Variants in QTRT2 observed in about 807,000 individuals in gnomAD.
QTRT2 encodes the protein queuine tRNA-ribosyltransferase accessory subunit 2, also known as queuine tRNA-ribosyltransferase domain containing 1.
A neutral mutation model predicts 44.8 loss-of-function variants in QTRT2; 32 were observed. That is an observed-to-expected ratio of 0.71 (90% CI 0.54 to 0.96). The LOEUF (loss-of-function observed/expected upper bound fraction) is 0.96, where lower values mean the gene tolerates loss of function less well. Among genes scored for constraint, QTRT2 ranks in the 40% least tolerant of loss-of-function variants. QTRT2 has a pLI of 0.00. For missense variants in QTRT2, 461 were observed against 503.1 expected, an observed-to-expected ratio of 0.92 and a Z score of 0.80; for synonymous variants, 182 against 187.4, an observed-to-expected ratio of 0.97 and a Z score of 0.24.
intron 8 of QTRT2, 83 bp from the exon 9 acceptor site, chr3:114,082,594 A>C: frequency 1.8e-6 from 1 of 564,682 alleles, no homozygotes; most frequent in Non-Finnish European, 3.2e-6. Flanking sequence ...AAAGATCATG[A>C]AATAATAACT....
chr3:114,080,984 C>G (rs778278532), intron 8 of QTRT2, among the ~76,000 whole-genome samples: 1 of 152,078 alleles, frequency 6.6e-6, no homozygotes, highest in Non-Finnish European at 1.5e-5. Flanking sequence ...TTAGACAGAC[C>G]AGAATATAAT....
intron 7 of QTRT2, chr3:114,078,913 T>C (rs1211941000): frequency 6.6e-6 from 1 of 151,996 alleles, no homozygotes; most frequent in Non-Finnish European, 1.5e-5. Context: ...ATGGAGAAAA[T>C]ATAAAGAAAG....
chr3:114,070,590 C>G (rs1314730639), intron 5 of QTRT2, 36 bp from the exon 6 acceptor site: 1 of 1,533,878 alleles, frequency 6.5e-7, no homozygotes, highest in Admixed American at 1.7e-5. Flanking sequence ...TTGCATTTTA[C>G]TCTTGCTAAT....
At chr3:114,067,863 A>G (rs1274689050) in intron 4 of QTRT2, 124 bp from the exon 5 acceptor site, 1 of 712,044 alleles carries the variant, frequency 1.4e-6, no homozygotes, top group Non-Finnish European at 2.5e-6. Context: ...GTTCAGATAC[A>G]ACCTATTGAC....
Position 114,061,816 on chromosome 3 carries a change from G to A in QTRT2, c.-21-3421G>A, listed in dbSNP as rs538375885. Among the ~76,000 whole-genome samples, 4 of 152,164 alleles carry A rather than the reference G, an allele frequency of 2.6e-5. No individual in the cohort carries two copies. In the South Asian group the frequency reaches 8.3e-4, roughly 32 times the overall value. ...TGCTCTTGAACTCCTGGGCTCAAGCGATCTGCCCACCTTGGCCTCCCAAAC... is the reference window on the plus strand; with the variant it reads ...TGCTCTTGAACTCCTGGGCTCAAGCAATCTGCCCACCTTGGCCTCCCAAAC... On this transcript the variant is annotated intron_variant, in intron 2 of 9. Transcript: ENST00000281273.
chr3:114,074,999 A>G (rs1238564635), intron 6 of QTRT2, among the ~76,000 whole-genome samples: 6 of 152,238 alleles, frequency 3.9e-5, no homozygotes, highest in Admixed American at 1.3e-4. Context: ...TCATTATTCT[A>G]AACATCTTTG....
intron 7 of QTRT2, chr3:114,079,127 A>G (rs939500822): frequency 1.3e-5 from 2 of 152,226 alleles, no homozygotes; most frequent in Non-Finnish European, 2.9e-5. Flanking sequence ...AAAAATCTAT[A>G]TAGTGTATAG....
chr3:114,062,508 G>A (rs552718013), intron 2 of QTRT2, among the ~76,000 whole-genome samples: 156 of 152,248 alleles, frequency 1.0e-3, no homozygotes, highest in African/African-American at 3.3e-3. Context: ...ATGTGGTGAT[G>A]AGGAATTCCC....
intron 6 of QTRT2, among the ~76,000 whole-genome samples, chr3:114,075,946 TC>T (rs1429487518): frequency 6.6e-6 from 1 of 152,206 alleles, no homozygotes; most frequent in Admixed American, 6.5e-5. Context: ...AGCTATTAGG[TC>T]CATTGAATTT....
Position 114,076,740 on chromosome 3 carries a change from C to T in QTRT2, c.547-3C>T, listed in dbSNP as rs772958957. ...TAAAAACATATCATCCTTCTTACCT[C>T]AGGTTCTTCAGAAGAGTGTGATCAT... is the stretch of plus-strand genomic sequence containing the variant. On this transcript the variant is annotated splice_polypyrimidine_tract_variant and splice_region_variant and intron_variant, in intron 6 of 9. Transcript: ENST00000281273. 1.9e-6 allele frequency: 3 copies of T among 1,613,678 alleles called. No homozygotes were observed. In the African/African-American group the frequency reaches 4.0e-5, roughly 22 times the overall value.
At chr3:114,079,599 G>A in intron 7 of QTRT2, 1 of 221,386 alleles carries the variant, frequency 4.5e-6, no homozygotes, top group Non-Finnish European at 9.1e-6. Flanking sequence ...CAACAATTCT[G>A]TGGGGGTATA....
chr3:114,068,293 A>T (rs2076980742), intron 5 of QTRT2: 3 of 412,348 alleles, frequency 7.3e-6, no homozygotes, highest in Non-Finnish European at 9.0e-6. Flanking sequence ...GTTGCAAAAA[A>T]ATTTGAGGGT....
intron 5 of QTRT2, among the ~76,000 whole-genome samples, chr3:114,069,376 A>G (rs1184511289): frequency 6.6e-6 from 1 of 151,950 alleles, no homozygotes; most frequent in Non-Finnish European, 1.5e-5. Flanking sequence ...GTTACCTTTT[A>G]TCCTTCTCTC....
intron 4 of QTRT2, among the ~76,000 whole-genome samples, chr3:114,067,089 C>T (rs940193799): frequency 4.6e-5 from 7 of 152,124 alleles, no homozygotes; most frequent in Non-Finnish European, 8.8e-5. Flanking sequence ...ATTGGTTATT[C>T]AGTCTTCTGC....
Position 114,082,725 on chromosome 3 carries a change from TAAAG to T in QTRT2, c.951_954del (p.Lys318LeufsTer10), listed in dbSNP as rs1279211072. On this transcript the variant is annotated frameshift_variant, in exon 9 of 10. Coordinates refer to ENST00000281273, the MANE Select transcript of QTRT2 (RefSeq NM_024638.4). LOFTEE classifies it high-confidence loss of function. ...GAAGAAATAAAATGTATGGATCAAATAAAGAAAATTGAAACAACTGGTTGCAACC... is the reference window on the plus strand; with the variant it reads ...GAAGAAATAAAATGTATGGATCAAATAAAATTGAAACAACTGGTTGCAACC... 2 of 1,536,606 alleles carry T rather than the reference TAAAG, an allele frequency of 1.3e-6. No homozygotes were observed. The highest frequency in any genetic ancestry group is 1.4e-5 in the African/African-American group (1 of 72,508).
At chr3:114,083,853 T>C (rs1326933667) in intron 9 of QTRT2, among the ~76,000 whole-genome samples, 1 of 152,172 alleles carries the variant, frequency 6.6e-6, no homozygotes, top group African/African-American at 2.4e-5. Context: ...TTTTCTGTCA[T>C]CCACTGACTC....
chr3:114,082,970 T>G, intron 9 of QTRT2, 176 bp downstream of exon 9: 1 of 598,428 alleles, frequency 1.7e-6, no homozygotes, highest in Non-Finnish European at 3.1e-6. Context: ...CAGATGAATT[T>G]GTAGACTTCG....
chr3:114,070,582 G>A (rs1291617259), intron 5 of QTRT2, 44 bp from the exon 6 acceptor site: 4 of 1,484,718 alleles, frequency 2.7e-6, no homozygotes, highest in Non-Finnish European at 3.8e-6. Flanking sequence ...ATTTTTATTT[G>A]CATTTTACTC....
chr3:114,084,148 C>T (rs1030344931), intron 9 of QTRT2, among the ~76,000 whole-genome samples: 4 of 151,584 alleles, frequency 2.6e-5, no homozygotes, highest in South Asian at 2.1e-4. Context: ...CTGCAACCTC[C>T]GCCTCCTGGG....
Sources: gnomAD v4.1 joint callset for allele counts (sites outside exome capture counted in the v4.1 genomes callset) on GRCh38, gnomAD v4.1.1 for gene constraint, MANE v1.5 for transcripts, NCBI Gene and HGNC (gene_info 2026-07-23, HGNC 2026-07-21) for gene names.